The following QTMAN variants were observed in gnomAD, a reference collection of about 807,000 sequenced individuals.
QTMAN encodes queuosine-tRNA mannosyltransferase.
the QTMAN span, among the ~76,000 whole-genome samples, chr2:144,313,777 G>A: frequency 6.9e-6 from 1 of 144,206 alleles, no homozygotes; most frequent in Non-Finnish European, 1.5e-5. Flanking sequence ...TATCATTAGA[G>A]TTTTTTTTTT....
the QTMAN span, among the ~76,000 whole-genome samples, chr2:144,169,426 A>AT: frequency 6.6e-6 from 1 of 152,104 alleles, no homozygotes; most frequent in African/African-American, 2.4e-5. Context: ...ATTAAAAAAT[A>AT]TTTTTTTGCT....
At chr2:144,082,888 A>ACG in the QTMAN span, among the ~76,000 whole-genome samples, 3 of 152,084 alleles carry the variant, frequency 2.0e-5, no homozygotes, top group South Asian at 4.1e-4. Context: ...TAAAATACAC[A>ACG]CGCACACACA....
At chr2:143,987,753 A>G in the QTMAN span, among the ~76,000 whole-genome samples, 1 of 152,236 alleles carries the variant, frequency 6.6e-6, no homozygotes, top group Non-Finnish European at 1.5e-5. Flanking sequence ...TTAAACAGAA[A>G]TGCAATGAGA....
the QTMAN span, among the ~76,000 whole-genome samples, chr2:144,017,241 G>A: frequency 6.6e-6 from 1 of 152,046 alleles, no homozygotes; most frequent in African/African-American, 2.4e-5. Context: ...TTGACCTTGT[G>A]ATCCACCCAC....
the QTMAN span, among the ~76,000 whole-genome samples, chr2:144,139,031 T>G: frequency 6.6e-6 from 1 of 152,090 alleles, no homozygotes; most frequent in Non-Finnish European, 1.5e-5. Context: ...TTTGAGAGGA[T>G]ATGCAAGAGA....
the QTMAN span, among the ~76,000 whole-genome samples, chr2:144,187,281 A>G: frequency 6.6e-6 from 1 of 152,226 alleles, no homozygotes; most frequent in Non-Finnish European, 1.5e-5. Flanking sequence ...TGGTGACATA[A>G]CATGGCTGAG....
the QTMAN span, among the ~76,000 whole-genome samples, chr2:144,090,883 G>A: frequency 6.6e-6 from 1 of 151,796 alleles, no homozygotes; most frequent in Non-Finnish European, 1.5e-5. Flanking sequence ...AAAGAACTTA[G>A]AATAGCCAAA....
the QTMAN span, among the ~76,000 whole-genome samples, chr2:144,000,682 AATC>A: frequency 6.6e-6 from 1 of 151,978 alleles, no homozygotes; most frequent in African/African-American, 2.4e-5. Context: ...GCATCTATGG[AATC>A]ATCTTTTTTA....
chr2:144,121,556 A>C, the QTMAN span, among the ~76,000 whole-genome samples: 23 of 152,326 alleles, frequency 1.5e-4, no homozygotes, highest in African/African-American at 5.5e-4. Context: ...GGTCAAAGAC[A>C]CTACCATTGC....
the QTMAN span, among the ~76,000 whole-genome samples, chr2:144,198,315 A>G: frequency 9.2e-5 from 14 of 152,146 alleles, no homozygotes; most frequent in Non-Finnish European, 1.8e-4. Flanking sequence ...CCACTTCCTG[A>G]TTCCAAAGTG....
At chr2:144,213,578 C>G in the QTMAN span, among the ~76,000 whole-genome samples, 1 of 152,080 alleles carries the variant, frequency 6.6e-6, no homozygotes, top group African/African-American at 2.4e-5. Flanking sequence ...AGACACCTTT[C>G]TGTTATTAGT....
At chr2:144,181,753 G>T in the QTMAN span, among the ~76,000 whole-genome samples, 8 of 152,142 alleles carry the variant, frequency 5.3e-5, no homozygotes, top group African/African-American at 1.7e-4. Context: ...GGAGGCCGCA[G>T]TGAGCTTAGA....
the QTMAN span, among the ~76,000 whole-genome samples, chr2:144,271,917 T>C: frequency 6.6e-6 from 1 of 152,202 alleles, no homozygotes; most frequent in Non-Finnish European, 1.5e-5. Context: ...TAAATGAAGC[T>C]CCTACATACT....
chr2:144,193,181 A>G, the QTMAN span, among the ~76,000 whole-genome samples: 1 of 152,006 alleles, frequency 6.6e-6, no homozygotes. Flanking sequence ...TAGATAAGAG[A>G]GCAATTCAAC....
chr2:144,052,732 A>G, the QTMAN span, among the ~76,000 whole-genome samples: 6 of 152,108 alleles, frequency 3.9e-5, no homozygotes, highest in Admixed American at 1.3e-4. Context: ...GCTCACCGCA[A>G]CCTCTGCCTC....
At chr2:144,033,425 A>G in the QTMAN span, among the ~76,000 whole-genome samples, 2 of 152,186 alleles carry the variant, frequency 1.3e-5, no homozygotes, top group East Asian at 1.9e-4. Context: ...GAACAGTCCA[A>G]TGGAAGAGAT....
chr2:144,090,410 G>A, the QTMAN span, among the ~76,000 whole-genome samples: 11 of 151,974 alleles, frequency 7.2e-5, no homozygotes, highest in African/African-American at 2.4e-4. Context: ...ATATTGGAAA[G>A]GAAGAAGTAA....
At chr2:144,144,309 GT>G in the QTMAN span, among the ~76,000 whole-genome samples, 13 of 151,890 alleles carry the variant, frequency 8.6e-5, no homozygotes, top group South Asian at 2.1e-4. Flanking sequence ...ATCCTTTTTG[GT>G]ACATTTCCTC....
At chr2:144,021,841 T>C in the QTMAN span, among the ~76,000 whole-genome samples, 3 of 152,106 alleles carry the variant, frequency 2.0e-5, no homozygotes, top group Non-Finnish European at 2.9e-5. Flanking sequence ...TGAGATATAC[T>C]CATATTGGAA....
Sources: gnomAD v4.1 joint callset for allele counts (sites outside exome capture counted in the v4.1 genomes callset) on GRCh38, gnomAD v4.1.1 for gene constraint, MANE v1.5 for transcripts, NCBI Gene and HGNC (gene_info 2026-07-23, HGNC 2026-07-21) for gene names.